Variants in PPP1R9A observed in about 807,000 individuals in gnomAD.
The protein encoded by PPP1R9A is protein phosphatase 1 regulatory subunit 9A, also known as neurabin-1.
Under a neutral mutation model 141.9 loss-of-function variants are expected in PPP1R9A, and 59 were observed. That is an observed-to-expected ratio of 0.42 (90% CI 0.34 to 0.52). PPP1R9A has a LOEUF of 0.52. Among genes scored for constraint, PPP1R9A ranks in the 20% least tolerant of loss-of-function variants. The pLI, the probability that PPP1R9A is intolerant of heterozygous loss-of-function variation, is 0.10. For synonymous variants in PPP1R9A, 500 were observed against 569.7 expected (o/e 0.88, Z 1.74); for missense variants, 1,444 against 1,611.9 (o/e 0.90, Z 1.78).
Position 95,023,365 on chromosome 7 carries a change from CTCTTT to C in PPP1R9A, c.1396-87889_1396-87885del, listed in dbSNP as rs542836177. ...TTAATTGCATCTATTTGATTCTTCT[CTCTTT>C]TCTTCTTTATTAGTCTGGCTAGCGG... is the stretch of plus-strand genomic sequence containing the variant. On this transcript the variant is annotated intron_variant, in intron 2 of 19. Coordinates refer to ENST00000433360, the MANE Select transcript of PPP1R9A (RefSeq NM_001166160.2). Among the ~76,000 whole-genome samples, 310 of 152,118 alleles carry C rather than the reference CTCTTT, an allele frequency of 2.0e-3. 2 individuals carry two copies. The highest frequency in any genetic ancestry group is 6.6e-3 in the African/African-American group (274 of 41,480).
At chr7:95,219,572 T>A (rs1305827251) in intron 7 of PPP1R9A, among the ~76,000 whole-genome samples, 1 of 152,138 alleles carries the variant, frequency 6.6e-6, no homozygotes, top group Non-Finnish European at 1.5e-5. Context: ...GTTTTCCAAC[T>A]TGGTTCCATT....
intron 8 of PPP1R9A, among the ~76,000 whole-genome samples, chr7:95,228,591 G>A (rs533138089): frequency 2.6e-5 from 4 of 152,034 alleles, no homozygotes; most frequent in East Asian, 1.9e-4. Context: ...TAGAATATAC[G>A]TCAATATTGA....
At chr7:95,076,514 T>C (rs2152240799) in intron 2 of PPP1R9A, among the ~76,000 whole-genome samples, 1 of 152,316 alleles carries the variant, frequency 6.6e-6, no homozygotes, top group South Asian at 2.1e-4. Context: ...ATCTGTCTAC[T>C]CCTACACTAG....
chr7:95,210,255 A>G (rs941761079), intron 7 of PPP1R9A, among the ~76,000 whole-genome samples: 5 of 152,158 alleles, frequency 3.3e-5, no homozygotes, highest in African/African-American at 1.2e-4. Flanking sequence ...GAAACAGTAA[A>G]TATGTATGAT....
chr7:94,945,620 A>T (rs557287754), intron 2 of PPP1R9A, among the ~76,000 whole-genome samples: 1 of 152,174 alleles, frequency 6.6e-6, no homozygotes, highest in African/African-American at 2.4e-5. Context: ...ACAGTGTATC[A>T]GTTGAAATAG....
chr7:94,920,488 G>A (rs1398314674), intron 2 of PPP1R9A, among the ~76,000 whole-genome samples: 1 of 152,040 alleles, frequency 6.6e-6, no homozygotes, highest in South Asian at 2.1e-4. Context: ...ATTTTAGGAG[G>A]AAAGTTTTGT....
chr7:95,031,452 A>G (rs984627991), intron 2 of PPP1R9A, among the ~76,000 whole-genome samples: 5 of 152,318 alleles, frequency 3.3e-5, no homozygotes, highest in Non-Finnish European at 4.4e-5. Context: ...TCTTTGCTGT[A>G]AAATCAGTAT....
intron 4 of PPP1R9A, among the ~76,000 whole-genome samples, chr7:95,147,530 G>C (rs1367974490): frequency 6.6e-6 from 1 of 152,074 alleles, no homozygotes; most frequent in Non-Finnish European, 1.5e-5. Context: ...TTCCAATACT[G>C]TGTTGAATAG....
At chr7:95,274,340 A>G (rs2240027) in intron 16 of PPP1R9A, among the ~76,000 whole-genome samples, 172 bp downstream of exon 16, 17,088 of 152,284 alleles carry the variant, frequency 0.11, 1,420 homozygotes, top group East Asian at 0.41. Context: ...CTCCAATTAT[A>G]GCCTCCATCT....
chr7:95,221,162 C>T (rs951705380), intron 7 of PPP1R9A, among the ~76,000 whole-genome samples: 7 of 152,106 alleles, frequency 4.6e-5, no homozygotes, highest in Non-Finnish European at 7.4e-5. Context: ...ACACCAGCAG[C>T]AGCAACAATA....
chr7:95,201,791 G>A (rs1263452603), intron 6 of PPP1R9A, among the ~76,000 whole-genome samples: 1 of 152,086 alleles, frequency 6.6e-6, no homozygotes, highest in East Asian at 1.9e-4. Context: ...GAATCATCTT[G>A]TGATTTCAAA....
At chr7:94,984,084 A>G (rs1181042631) in intron 2 of PPP1R9A, among the ~76,000 whole-genome samples, 6 of 152,168 alleles carry the variant, frequency 3.9e-5, no homozygotes, top group Non-Finnish European at 8.8e-5. Flanking sequence ...ATCTATTGAG[A>G]TAATCATGTG....
intron 2 of PPP1R9A, among the ~76,000 whole-genome samples, chr7:94,919,310 T>A (rs1247132742): frequency 6.7e-6 from 1 of 148,232 alleles, no homozygotes; most frequent in African/African-American, 2.5e-5. Flanking sequence ...CATTTTTTTT[T>A]TTTTTTTTTT....
chr7:95,215,834 G>C (rs981157338), intron 7 of PPP1R9A, among the ~76,000 whole-genome samples: 15 of 152,134 alleles, frequency 9.9e-5, no homozygotes, highest in African/African-American at 3.4e-4. Flanking sequence ...TTTTTTTCTT[G>C]TAAATTTGTT....
intron 2 of PPP1R9A, among the ~76,000 whole-genome samples, chr7:94,985,420 G>C (rs1229969379): frequency 1.3e-5 from 2 of 152,020 alleles, no homozygotes; most frequent in African/African-American, 4.8e-5. Flanking sequence ...ATTCACAGTG[G>C]GGTATTAAAG....
intron 2 of PPP1R9A, among the ~76,000 whole-genome samples, chr7:94,995,304 C>T (rs4729167): frequency 0.24 from 36,618 of 151,674 alleles, 5,305 homozygotes; most frequent in South Asian, 0.41. Context: ...GTTTCTCATG[C>T]TTGGGTTTTG....
intron 12 of PPP1R9A, among the ~76,000 whole-genome samples, chr7:95,264,998 C>T (rs1219462741): frequency 6.6e-6 from 1 of 152,160 alleles, no homozygotes; most frequent in Non-Finnish European, 1.5e-5. Flanking sequence ...CATCTAGCAG[C>T]ACATAACTTA....
intron 4 of PPP1R9A, among the ~76,000 whole-genome samples, chr7:95,153,968 G>T (rs1305727818): frequency 6.6e-6 from 1 of 152,014 alleles, no homozygotes; most frequent in Non-Finnish European, 1.5e-5. Context: ...TTGTATTTCT[G>T]TAGTATTAGT....
chr7:95,173,181 A>G (rs1280857376), intron 5 of PPP1R9A, among the ~76,000 whole-genome samples: 1 of 151,932 alleles, frequency 6.6e-6, no homozygotes, highest in African/African-American at 2.4e-5. Context: ...ATAGAAAATC[A>G]AATACCTTAT....
Sources: gnomAD v4.1 joint callset for allele counts (sites outside exome capture counted in the v4.1 genomes callset) on GRCh38, gnomAD v4.1.1 for gene constraint, MANE v1.5 for transcripts, NCBI Gene and HGNC (gene_info 2026-07-23, HGNC 2026-07-21) for gene names.